PLXNA4: variants seen among roughly 807,000 people sequenced by gnomAD.
The protein encoded by PLXNA4 is plexin A4.
Under a neutral mutation model 191.8 loss-of-function variants are expected in PLXNA4, and 44 were observed. The ratio of observed to expected loss-of-function variants is 0.23; its 90% CI spans 0.18 to 0.29. The LOEUF is 0.29. Among genes scored for constraint, PLXNA4 ranks in the 10% least tolerant of loss-of-function variants. The pLI is 1.00. For missense variants in PLXNA4, 1,800 were observed against 2,488.8 expected, an observed-to-expected ratio of 0.72 and a Z score of 5.89; for synonymous variants, 1,082 against 1,009.5, an observed-to-expected ratio of 1.07 and a Z score of -1.36.
At chr7:132,544,386 T>C (rs539878178) in intron 1 of PLXNA4, among the ~76,000 whole-genome samples, 1 of 152,136 alleles carries the variant, frequency 6.6e-6, no homozygotes, top group Non-Finnish European at 1.5e-5. Flanking sequence ...TATTAGAGAT[T>C]CTCTAAGTGA....
At chr7:132,435,032 G>A (rs1795415016) in intron 3 of PLXNA4, among the ~76,000 whole-genome samples, 1 of 152,242 alleles carries the variant, frequency 6.6e-6, no homozygotes, top group East Asian at 1.9e-4. Flanking sequence ...CCTTCTTTAT[G>A]CATAAAGGAC....
chr7:132,410,798 G>A (rs139954921), intron 3 of PLXNA4, among the ~76,000 whole-genome samples: 5 of 152,192 alleles, frequency 3.3e-5, no homozygotes, highest in African/African-American at 7.2e-5. Context: ...AACCTGCCTC[G>A]ACTCCAGCTA....
chr7:132,528,725 C>T (rs775735038), intron 1 of PLXNA4, among the ~76,000 whole-genome samples: 18 of 152,222 alleles, frequency 1.2e-4, no homozygotes, highest in Non-Finnish European at 2.5e-4. Flanking sequence ...GAGAGAGGCA[C>T]CACTGATGTG....
chr7:132,453,692 C>T (rs575048564), intron 3 of PLXNA4, among the ~76,000 whole-genome samples: 84 of 152,264 alleles, frequency 5.5e-4, no homozygotes, highest in African/African-American at 1.9e-3. Context: ...CAGGCACGTG[C>T]CACCATGCCC....
Position 132,189,006 on chromosome 7 carries a change from G to GGAAAGGAAA in PLXNA4, c.2857-1400_2857-1399insTTTCCTTTC, listed in dbSNP as rs1562908944. Among the ~76,000 whole-genome samples, 11 of 52,962 alleles carry GGAAAGGAAA rather than the reference G, an allele frequency of 2.1e-4. No homozygotes were observed. In the East Asian group the frequency reaches 2.1e-3, roughly 10 times the overall value. 34.7% of individuals were successfully genotyped at this position (52,962 alleles called of 152,430 possible). On this transcript the variant is annotated intron_variant, in intron 14 of 31. Coordinates refer to ENST00000321063, the MANE Select transcript of PLXNA4 (RefSeq NM_020911.2). Reference sequence around the variant, plus strand: ...AAGGAAAGGAAAGGAGAGAGAGAGAGAGAGAGAGAGAGAGAGAGAGAGAAA... The same window carrying GGAAAGGAAA: ...AAGGAAAGGAAAGGAGAGAGAGAGAGGAAAGGAAAAGAGAGAGAGAGAGAGAGAGAGAAA...
chr7:132,161,761 TGGCAAGCTCCCA>T (rs1795957814), intron 24 of PLXNA4, among the ~76,000 whole-genome samples: 1 of 152,098 alleles, frequency 6.6e-6, no homozygotes, highest in Non-Finnish European at 1.5e-5. Flanking sequence ...CCTAGCGCTC[TGGCAAGCTCCCA>T]GGTGGGCATT....
Position 132,182,141 on chromosome 7 carries a change from T to A in PLXNA4, c.3208A>T (p.Asn1070Tyr). 6.2e-7 allele frequency: 1 copy of A among 1,614,162 alleles called. No homozygotes were observed. The highest frequency in any genetic ancestry group is 8.5e-7 in the Non-Finnish European group (1 of 1,180,036). ...CCATGCTTGGCACGGATCTGGGGGT[T>A]CTGTATGAGGTCCAGGTGGGTCCCC... ...VWGTHLDLIQ[N>Y]PQIRAKHGGK... The change falls in exon 17 of 32, where the codon AAC becomes TAC. Residue 1070 changes from asparagine (N) to tyrosine (Y), a missense_variant. Coordinates refer to ENST00000321063, the MANE Select transcript of PLXNA4 (RefSeq NM_020911.2).
intron 3 of PLXNA4, among the ~76,000 whole-genome samples, chr7:132,326,822 C>T (rs559955723): frequency 1.3e-5 from 2 of 152,000 alleles, no homozygotes; most frequent in East Asian, 3.9e-4. Context: ...AGGCAGGAAT[C>T]ATGTCTGTTT....
intron 3 of PLXNA4, among the ~76,000 whole-genome samples, chr7:132,452,369 G>A (rs905563554): frequency 4.6e-5 from 7 of 152,184 alleles, no homozygotes; most frequent in Non-Finnish European, 8.8e-5. Flanking sequence ...TCAGACCCAG[G>A]GAGCCTGTGG....
chr7:132,155,904 G>C lies in PLXNA4; in HGVS notation c.4660+3569C>G, dbSNP rs368072069. 5.2e-4 allele frequency among the ~76,000 whole-genome samples: 79 copies of C among 152,196 alleles called. 1 individual carries two copies. In the South Asian group the frequency reaches 0.016, roughly 31 times the overall value. ...AATAAAGCAGATTTCTCTCCATAAT[G>C]TAGGTGGGCCCCATCCAATCAGTTG... On this transcript the variant is annotated intron_variant, in intron 25 of 31. Coordinates refer to ENST00000321063, the MANE Select transcript of PLXNA4 (RefSeq NM_020911.2).
chr7:132,637,110 C>T (rs540595109), intron 2 of PLXNA4, among the ~76,000 whole-genome samples: 1 of 152,178 alleles, frequency 6.6e-6, no homozygotes, highest in Non-Finnish European at 1.5e-5. Context: ...TCCCAAAGAG[C>T]CTTTTGATCA....
intron 4 of PLXNA4, among the ~76,000 whole-genome samples, chr7:132,283,130 G>A (rs971514184): frequency 1.3e-5 from 2 of 152,086 alleles, no homozygotes; most frequent in South Asian, 2.1e-4. Flanking sequence ...CTCGGCCTCC[G>A]AGAATGCTAG....
At chr7:132,359,422 G>A (rs1409057485) in intron 3 of PLXNA4, among the ~76,000 whole-genome samples, 1 of 151,760 alleles carries the variant, frequency 6.6e-6, no homozygotes, top group Non-Finnish European at 1.5e-5. Context: ...TCACCATGTT[G>A]GCCAGGCAGG....
intron 2 of PLXNA4, among the ~76,000 whole-genome samples, chr7:132,493,703 G>GTGGA (rs1190730841): frequency 1.3e-5 from 2 of 149,068 alleles, no homozygotes; most frequent in African/African-American, 4.9e-5. Context: ...GGATGGATAG[G>GTGGA]TGGATGGATG....
At chr7:132,424,101 C>G (rs2288973) in intron 3 of PLXNA4, among the ~76,000 whole-genome samples, 1 of 152,088 alleles carries the variant, frequency 6.6e-6, no homozygotes, top group African/African-American at 2.4e-5. Context: ...AAGGCTGAGA[C>G]GTTGAAAGGC....
chr7:132,130,379 T>A lies in PLXNA4; in HGVS notation c.*100A>T, dbSNP rs1175144591. ...AGAAACAGCGCTGCTCAGGGGATGCTGCTGATGCCAGTCGGAACTTGCACT... is the reference window on the plus strand; with the variant it reads ...AGAAACAGCGCTGCTCAGGGGATGCAGCTGATGCCAGTCGGAACTTGCACT... On this transcript the variant is annotated 3_prime_UTR_variant, in exon 32 of 32. Coordinates refer to ENST00000321063, the MANE Select transcript of PLXNA4 (RefSeq NM_020911.2). 6.5e-7 allele frequency: 1 copy of A among 1,538,736 alleles called. No homozygotes were observed. The highest frequency in any genetic ancestry group is 2.3e-5 in the East Asian group (1 of 44,134).
At chr7:132,143,680 T>G (rs184426910) in intron 29 of PLXNA4, among the ~76,000 whole-genome samples, 103 of 152,254 alleles carry the variant, frequency 6.8e-4, no homozygotes, top group Admixed American at 6.3e-3. Context: ...CCACAAAGTC[T>G]AGAAGAGTTA....
chr7:132,579,848 G>T (rs533794593), upstream of PLXNA4, among the ~76,000 whole-genome samples: 4 of 152,206 alleles, frequency 2.6e-5, no homozygotes, highest in South Asian at 4.1e-4. Context: ...GGAAGGAGGA[G>T]TAGAAAGGGT....
intron 3 of PLXNA4, among the ~76,000 whole-genome samples, chr7:132,302,963 G>C (rs1478668428): frequency 1.3e-5 from 2 of 152,060 alleles, no homozygotes; most frequent in Non-Finnish European, 2.9e-5. Flanking sequence ...TGTAACCTCT[G>C]CCTCCTGGGT....
Sources: gnomAD v4.1 joint callset for allele counts (sites outside exome capture counted in the v4.1 genomes callset) on GRCh38, gnomAD v4.1.1 for gene constraint, MANE v1.5 for transcripts, NCBI Gene and HGNC (gene_info 2026-07-23, HGNC 2026-07-21) for gene names.